Variants in ZNF536 observed in about 807,000 individuals in gnomAD.
ZNF536 encodes the protein zinc finger protein 536.
ZNF536 carries 13 observed loss-of-function variants against 84.5 expected under a neutral mutation model. The observed-to-expected ratio is 0.15, with a 90% CI of 0.10 to 0.24. ZNF536 has a LOEUF of 0.24. ZNF536 is among the 10% of genes least tolerant of loss of function. The pLI is 1.00. For missense variants in ZNF536, 1,536 were observed against 1,747.5 expected (o/e 0.88, Z 2.16); for synonymous variants, 811 against 742.5 (o/e 1.09, Z -1.50).
chr19:30,294,876 G>C (rs1171713556), intron 2 of ZNF536, among the ~76,000 whole-genome samples: 2 of 152,186 alleles, frequency 1.3e-5, no homozygotes, highest in African/African-American at 4.8e-5. Context: ...AGGCTGCATA[G>C]GTGTGGGAAG....
intron 1 of ZNF536, among the ~76,000 whole-genome samples, chr19:30,421,302 A>G (rs2050946621): frequency 6.6e-6 from 1 of 152,206 alleles, no homozygotes; most frequent in Admixed American, 6.5e-5. Flanking sequence ...TTAAGATCCA[A>G]GTTGGTTAAA....
At chr19:30,651,152 A>G (rs2049686694) in intron 1 of ZNF536, among the ~76,000 whole-genome samples, 2 of 152,170 alleles carry the variant, frequency 1.3e-5, no homozygotes, top group African/African-American at 4.8e-5. Context: ...GGGGAGCCTC[A>G]GAGGGGTTAG....
chr19:30,539,316 G>A lies in ZNF536; in HGVS notation c.2323+4317G>A, dbSNP rs576582725. 1.1e-4 allele frequency among the ~76,000 whole-genome samples: 17 copies of A among 152,254 alleles called. No individual in the cohort carries two copies. In the South Asian group the frequency reaches 3.5e-3, roughly 32 times the overall value. ...CAGCTGAAAGACAGCCAGGCAAAGC[G>A]AGTGCACTCCCCCTTGCTCAGCCTT... On this transcript the variant is annotated intron_variant, in intron 3 of 4. Coordinates refer to ENST00000355537, the MANE Select transcript of ZNF536 (RefSeq NM_014717.3).
At position 30,332,944 on chromosome 19, in the gene ZNF536, T is replaced by C. The variant is rs1218463766; in HGVS notation, c.-119-19424T>C. 4.6e-5 allele frequency among the ~76,000 whole-genome samples: 7 copies of C among 152,204 alleles called. No individual in the cohort carries two copies. The East Asian group carries it at 1.2e-3, about 25-fold the overall frequency. The stretch of plus-strand genomic sequence containing the variant: ...AAAAAATACAAAAATTAGTCAGGCA[T>C]GGTGGCATGCACCTGTGGTCCCAGC... On this transcript the variant is annotated intron_variant, in intron 2 of 5. Transcript: ENST00000585628.
At chr19:30,471,893 A>C (rs2053649889) in intron 2 of ZNF536, among the ~76,000 whole-genome samples, 2 of 152,074 alleles carry the variant, frequency 1.3e-5, no homozygotes, top group African/African-American at 4.8e-5. Flanking sequence ...TCTTTTTCTC[A>C]GTGCTCAAAG....
intron 1 of ZNF536, among the ~76,000 whole-genome samples, chr19:30,439,606 A>C (rs2051919849): frequency 6.6e-6 from 1 of 152,156 alleles, no homozygotes; most frequent in African/African-American, 2.4e-5. Flanking sequence ...CCTCGGCTGC[A>C]CCTGCTCGAG....
At chr19:30,289,246 C>A (rs2045749937) in intron 2 of ZNF536, among the ~76,000 whole-genome samples, 2 of 152,256 alleles carry the variant, frequency 1.3e-5, no homozygotes, top group South Asian at 4.1e-4. Flanking sequence ...TCCACCATGG[C>A]CCGGTTTTAT....
intron 1 of ZNF536, among the ~76,000 whole-genome samples, chr19:30,442,643 C>G (rs570631791): frequency 6.6e-6 from 1 of 152,320 alleles, no homozygotes; most frequent in South Asian, 2.1e-4. Flanking sequence ...ACAACTTCAA[C>G]AATCTGCTAA....
chr19:30,515,914 C>T (rs955050231), intron 2 of ZNF536, among the ~76,000 whole-genome samples: 4 of 150,916 alleles, frequency 2.7e-5, no homozygotes, highest in Non-Finnish European at 4.4e-5. Context: ...GTATTCCCAG[C>T]TACTCGTGGG....
At chr19:30,347,804 G>GT (rs1260017426) in intron 2 of ZNF536, among the ~76,000 whole-genome samples, 1 of 152,168 alleles carries the variant, frequency 6.6e-6, no homozygotes, top group Non-Finnish European at 1.5e-5. Flanking sequence ...CACTGCAAGG[G>GT]TTTTTGCAAA....
At chr19:30,562,806 T>C (rs1285896885), downstream of ZNF536, among the ~76,000 whole-genome samples, 2 of 151,988 alleles carry the variant, frequency 1.3e-5, no homozygotes, top group Non-Finnish European at 2.9e-5. Flanking sequence ...ATTCACTTCC[T>C]TCTGTGCCTG....
Position 30,474,859 on chromosome 19 carries a change from C to T in ZNF536, c.2170+29127C>T, listed in dbSNP as rs193238433. Among the ~76,000 whole-genome samples the T allele has an allele frequency of 5.9e-5, 9 of 152,044 alleles. No homozygotes were observed. The East Asian group carries it at 1.7e-3, about 30-fold the overall frequency. On this transcript the variant is annotated intron_variant, in intron 2 of 4. Transcript: ENST00000355537. ...AGTATATGTTCTCTGTGACCTCTGT[C>T]TTTCCTAGTTTTCCCTCTTGTCCCC...
At chr19:30,342,478 A>G (rs2047595993) in intron 2 of ZNF536, among the ~76,000 whole-genome samples, 1 of 152,202 alleles carries the variant, frequency 6.6e-6, no homozygotes, top group African/African-American at 2.4e-5. Flanking sequence ...ATTAGACATC[A>G]CATAATTTTC....
chr19:30,648,754 A>T (rs2049575249), intron 1 of ZNF536, among the ~76,000 whole-genome samples: 1 of 152,278 alleles, frequency 6.6e-6, no homozygotes, highest in Non-Finnish European at 1.5e-5. Context: ...GACACACTCC[A>T]GTCAGTTTTT....
At chr19:30,539,372 C>T (rs1346618517) in intron 3 of ZNF536, among the ~76,000 whole-genome samples, 1 of 152,176 alleles carries the variant, frequency 6.6e-6, no homozygotes, top group African/African-American at 2.4e-5. Flanking sequence ...ACGGATTGGA[C>T]AAGGTGCACC....
At position 30,445,042 on chromosome 19, in the gene ZNF536, C is replaced by G. The variant is rs2052252839; in HGVS notation, c.1480C>G (p.Leu494Val). ...DKHSLLGCLNLVPPLKSSCIE... is the reference protein window; with the variant it reads ...DKHSLLGCLNVVPPLKSSCIE... ...GCACTCCCTCCTGGGATGCCTCAAT[C>G]TCGTGCCGCCGCTGAAATCCAGCTG... is the stretch of plus-strand genomic sequence containing the variant. Residue 494 changes from leucine to valine, a missense_variant, in exon 2 of 5, where the codon CTC becomes GTC. By Grantham distance (32) the Leu-to-Val change is conservative. Transcript: ENST00000355537. The surrounding 1 kb of genome is among the most constrained non-coding windows in gnomAD (Gnocchi z 4.5). 6.2e-7 allele frequency: 1 copy of G among 1,613,454 alleles called. No homozygotes were observed. The highest frequency in any genetic ancestry group is 8.5e-7 in the Non-Finnish European group (1 of 1,179,962).
At chr19:30,346,314 T>G (rs2047741594) in intron 2 of ZNF536, among the ~76,000 whole-genome samples, 1 of 152,240 alleles carries the variant, frequency 6.6e-6, no homozygotes, top group African/African-American at 2.4e-5. Context: ...AGACCAAATT[T>G]TATTCTTTTT....
At chr19:30,426,840 T>G (rs1205737461) in intron 1 of ZNF536, among the ~76,000 whole-genome samples, 1 of 152,222 alleles carries the variant, frequency 6.6e-6, no homozygotes, top group Non-Finnish European at 1.5e-5. Context: ...AACCTCTGTC[T>G]GACAGCTTAG....
At chr19:30,684,205 G>T (rs1422984724) in intron 1 of ZNF536, among the ~76,000 whole-genome samples, 1 of 152,112 alleles carries the variant, frequency 6.6e-6, no homozygotes, top group African/African-American at 2.4e-5. Flanking sequence ...TACAATCTCG[G>T]CTTACTGCAA....
Sources: allele counts gnomAD v4.1 joint callset (sites outside exome capture counted in the v4.1 genomes callset), GRCh38; gene constraint gnomAD v4.1.1; non-coding constraint Gnocchi (gnomAD v3.1); transcripts MANE v1.5; gene names NCBI Gene and HGNC (gene_info 2026-07-23, HGNC 2026-07-21).